NEURL1: variants seen among roughly 807,000 people sequenced by gnomAD.
The protein encoded by NEURL1 is E3 ubiquitin-protein ligase NEURL1.
In NEURL1, 26 loss-of-function variants were observed where a neutral mutation model predicts 41.2. The ratio of observed to expected loss-of-function variants is 0.63; its 90% CI spans 0.46 to 0.87. The LOEUF (loss-of-function observed/expected upper bound fraction) is 0.87, where lower values mean the gene tolerates loss of function less well. Ranked by LOEUF, NEURL1 falls within the 40% of genes least tolerant of loss-of-function variation. The pLI is 0.00. For synonymous variants in NEURL1, 400 were observed against 402.3 expected, an observed-to-expected ratio of 0.99 and a Z score of 0.07; for missense variants, 761 against 871.1, an observed-to-expected ratio of 0.87 and a Z score of 1.59.
intron 1 of NEURL1, among the ~76,000 whole-genome samples, chr10:103,507,020 A>G (rs2033963949): frequency 6.6e-6 from 1 of 152,196 alleles, no homozygotes; most frequent in Non-Finnish European, 1.5e-5. Context: ...CCACTGATTC[A>G]AACATCAGAA....
chr10:103,582,175 C>G (rs2035796013), intron 3 of NEURL1, among the ~76,000 whole-genome samples: 1 of 152,138 alleles, frequency 6.6e-6, no homozygotes, highest in African/African-American at 2.4e-5. Flanking sequence ...TTCCTCTTCT[C>G]CCTGCTGTTA....
intron 1 of NEURL1, among the ~76,000 whole-genome samples, chr10:103,521,229 C>A (rs763942923): frequency 1.7e-4 from 26 of 152,102 alleles, no homozygotes; most frequent in Non-Finnish European, 3.1e-4. Context: ...GGTGATTTGA[C>A]TAATAAAGGG....
rs1055313032 is a variant in NEURL1 at position 103,589,425 on chromosome 10, G to T, written c.1340-89G>T. Reference sequence around the variant, plus strand: ...CCCTGTGGCTGGGCTGTGTGGTCAGGCCTGGGAACCCACTGTGAGGGACAG... The same window carrying T: ...CCCTGTGGCTGGGCTGTGTGGTCAGTCCTGGGAACCCACTGTGAGGGACAG... On this transcript the variant is annotated intron_variant, in intron 4 of 5. Transcript: ENST00000369780. The T allele has an allele frequency of 2.1e-6, 3 of 1,445,902 alleles. No homozygotes were observed. The African/African-American group carries it at 4.3e-5, about 21-fold the overall frequency. 89.6% of individuals were successfully genotyped at this position (1,445,902 alleles called of 1,614,324 possible). A position where few individuals can be genotyped will look rare whatever the true frequency, so the allele number is the denominator to read the frequency against.
At chr10:103,579,326 G>C in intron 3 of NEURL1, among the ~76,000 whole-genome samples, 1 of 152,350 alleles carries the variant, frequency 6.6e-6, no homozygotes, top group East Asian at 1.9e-4. Flanking sequence ...TCTGAAACAG[G>C]AAGGGGACTT....
chr10:103,571,209 G>A lies in NEURL1; in HGVS notation c.327+96G>A, dbSNP rs951137560. 8 of 1,269,146 alleles carry A rather than the reference G, an allele frequency of 6.3e-6. No homozygotes were observed. The South Asian group carries it at 8.0e-5, about 13-fold the overall frequency. 78.6% of individuals were successfully genotyped at this position (1,269,146 alleles called of 1,614,324 possible). A position where few individuals can be genotyped will look rare whatever the true frequency, so the allele number is the denominator to read the frequency against. ...GGACTCTGCCCCTCAGCCGCTGCCTGCTGCCACCCCCAGCACCACACCCTG... is the reference window on the plus strand; with the variant it reads ...GGACTCTGCCCCTCAGCCGCTGCCTACTGCCACCCCCAGCACCACACCCTG... On this transcript the variant is annotated intron_variant, in intron 2 of 5. Coordinates refer to ENST00000369780, the MANE Select transcript of NEURL1 (RefSeq NM_004210.5).
At chr10:103,569,986 C>T (rs2035504007) in intron 1 of NEURL1, among the ~76,000 whole-genome samples, 1 of 152,198 alleles carries the variant, frequency 6.6e-6, no homozygotes, top group Non-Finnish European at 1.5e-5. Flanking sequence ...TCCTGTCTTC[C>T]ATCTCCTTCC....
intron 1 of NEURL1, chr10:103,494,744 A>G (rs559681221): frequency 2.3e-4 from 101 of 443,518 alleles, no homozygotes; most frequent in African/African-American, 2.0e-3. Context: ...GCCTGAAGAG[A>G]TGGGAAAGGA....
At chr10:103,570,023 A>T (rs569402628) in intron 1 of NEURL1, among the ~76,000 whole-genome samples, 1 of 152,186 alleles carries the variant, frequency 6.6e-6, no homozygotes, top group South Asian at 2.1e-4. Flanking sequence ...TCCTCTAGGG[A>T]GTGAAAGGGT....
At chr10:103,546,124 T>G (rs1220998640) in intron 1 of NEURL1, among the ~76,000 whole-genome samples, 1 of 152,218 alleles carries the variant, frequency 6.6e-6, no homozygotes, top group African/African-American at 2.4e-5. Flanking sequence ...TGCCTTGGCC[T>G]CCCAAAGCTC....
At chr10:103,513,002 T>A (rs1592185069) in intron 1 of NEURL1, among the ~76,000 whole-genome samples, 1 of 152,110 alleles carries the variant, frequency 6.6e-6, no homozygotes, top group Middle Eastern at 3.4e-3. Context: ...ACCTTCTCAT[T>A]TCTGGTTCCC....
chr10:103,527,917 G>T (rs2034493763), intron 1 of NEURL1, among the ~76,000 whole-genome samples: 4 of 152,138 alleles, frequency 2.6e-5, no homozygotes, highest in Admixed American at 2.6e-4. Flanking sequence ...GAGGAGCTCA[G>T]TCAGAAAACA....
chr10:103,565,999 G>A (rs1045191088), intron 1 of NEURL1, among the ~76,000 whole-genome samples: 5 of 152,132 alleles, frequency 3.3e-5, no homozygotes, highest in African/African-American at 4.8e-5. Context: ...AGTAAAACTC[G>A]TCCTTTTCGA....
At chr10:103,569,381 C>T (rs1265025938) in intron 1 of NEURL1, among the ~76,000 whole-genome samples, 1 of 152,240 alleles carries the variant, frequency 6.6e-6, no homozygotes, top group East Asian at 1.9e-4. Context: ...GCCACCCACA[C>T]AGCAGGGGTG....
chr10:103,580,241 C>T (rs1163439055), intron 3 of NEURL1, among the ~76,000 whole-genome samples: 11 of 152,228 alleles, frequency 7.2e-5, no homozygotes, highest in Non-Finnish European at 4.4e-5. Flanking sequence ...CAGGTTCTTT[C>T]CTGAATGATG....
At position 103,571,773 on chromosome 10, in the gene NEURL1, C is replaced by G. The variant is rs762427333; in HGVS notation, c.600C>G (p.Leu200=). Reference sequence around the variant, plus strand: ...GCGGGGTCCGCACGGCCGACCCGCTCTGGGCCCTGGTGGACGTCTACGGCC... The same window carrying G: ...GCGGGGTCCGCACGGCCGACCCGCTGTGGGCCCTGGTGGACGTCTACGGCC... The part of the protein sequence containing the change: ...FFSGVRTADP[L]WALVDVYGLT... The change falls in exon 3 of 6, where the codon CTC becomes CTG. Residue 200 remains leucine (L), a synonymous_variant. Coordinates refer to ENST00000369780, the MANE Select transcript of NEURL1 (RefSeq NM_004210.5). The G allele has an allele frequency of 6.2e-7, 1 of 1,613,312 alleles. No homozygotes were observed. Among genetic ancestry groups the G allele is most frequent in the South Asian group, 1.1e-5 (1 of 91,024 alleles).
intron 3 of NEURL1, among the ~76,000 whole-genome samples, chr10:103,581,463 T>C (rs1243188572): frequency 3.3e-5 from 5 of 152,150 alleles, no homozygotes; most frequent in Admixed American, 3.3e-4. Flanking sequence ...TGTAAATCAG[T>C]AGATGCTGAT....
In NEURL1 at chr10:103,554,531, G is replaced by A. The variant is rs574283299; in HGVS notation, c.86-16341G>A. The stretch of plus-strand genomic sequence containing the variant: ...GTGGGGGGGAAAAGCCTGGATTCTG[G>A]TGCTGCACTGCCTGGGTTTGCATTC... On this transcript the variant is annotated intron_variant, in intron 1 of 5. Transcript: ENST00000369780. Among the ~76,000 whole-genome samples, 6 of 152,270 alleles carry A rather than the reference G, an allele frequency of 3.9e-5. No individual in the cohort carries two copies. In the South Asian group the frequency reaches 1.2e-3, roughly 32 times the overall value.
chr10:103,542,724 G>C (rs892324458), intron 1 of NEURL1, among the ~76,000 whole-genome samples: 1 of 152,152 alleles, frequency 6.6e-6, no homozygotes, highest in Non-Finnish European at 1.5e-5. Context: ...CCCTCTTTCA[G>C]CTTTGGTTTT....
rs2036004875 is a variant in NEURL1, at chr10:103,590,058, C to T, written c.1487-76C>T. ...ATAAATGGAGGGGGACACAAGAGGC[C>T]GGGGAGCTCTCTTCCCGTGAATCCA... On this transcript the variant is annotated intron_variant, in intron 5 of 5. Coordinates refer to ENST00000369780, the MANE Select transcript of NEURL1 (RefSeq NM_004210.5). 4.3e-6 allele frequency: 6 copies of T among 1,396,430 alleles called. 1 individual carries two copies. In the South Asian group the frequency reaches 4.8e-5, roughly 11 times the overall value. The allele number at this position is 1,396,430 out of a possible 1,614,324, so 86.5% of individuals were successfully genotyped here. A position where few individuals can be genotyped will look rare whatever the true frequency, so the allele number is the denominator to read the frequency against.
Sources: allele counts gnomAD v4.1 joint callset (sites outside exome capture counted in the v4.1 genomes callset), GRCh38; gene constraint gnomAD v4.1.1; transcripts MANE v1.5; gene names NCBI Gene and HGNC (gene_info 2026-07-23, HGNC 2026-07-21).